Variants in BARHL2 observed in about 807,000 individuals in gnomAD.
BARHL2 encodes BarH like homeobox 2.
BARHL2 carries 10 observed loss-of-function variants against 27.1 expected under a neutral mutation model. That is an observed-to-expected ratio of 0.37 (90% CI 0.23 to 0.63). The LOEUF (loss-of-function observed/expected upper bound fraction) is 0.63. BARHL2 is among the 20% of genes least tolerant of loss of function. The pLI is 0.65. For synonymous variants in BARHL2, 248 were observed against 224.7 expected, an observed-to-expected ratio of 1.10 and a Z score of -0.93; for missense variants, 483 against 533.5, an observed-to-expected ratio of 0.91 and a Z score of 0.93.
rs758318830 is a variant in BARHL2 at position 90,714,521 on chromosome 1, C to T, written c.851+10G>A. ...CAGACACCTTTGCTCCCCCAAAGTG[C>T]CTCCCTTACCTGCGGTTCTGGTACC... On this transcript the variant is annotated intron_variant, in intron 2 of 2. Coordinates refer to ENST00000370445, the MANE Select transcript of BARHL2 (RefSeq NM_020063.2). 1.2e-6 allele frequency: 2 copies of T among 1,613,570 alleles called. No individual in the cohort carries two copies. Among genetic ancestry groups the T allele is most frequent in the Non-Finnish European group, 1.7e-6 (2 of 1,179,462 alleles).
Position 90,716,568 on chromosome 1 carries a change from C to T in BARHL2, c.625+3G>A. On this transcript the variant is annotated splice_donor_region_variant and intron_variant, in intron 1 of 2. Coordinates refer to ENST00000370445, the MANE Select transcript of BARHL2 (RefSeq NM_020063.2). ...GCCGAGAGCGCCGGGTGGCGGGACT[C>T]ACCGTGGCATTTGATGTCGCTCTGG... 6.2e-7 allele frequency: 1 copy of T among 1,613,996 alleles called. No homozygotes were observed. Among genetic ancestry groups the T allele is most frequent in the South Asian group, 1.1e-5 (1 of 91,068 alleles).
intron 2 of BARHL2, 152 bp from the exon 3 acceptor site, chr1:90,712,776 A>G: frequency 2.5e-6 from 2 of 804,566 alleles, no homozygotes; most frequent in East Asian, 5.5e-5. Context: ...GCAATGCACC[A>G]CATCTCCTGC....
chr1:90,716,576 C>T lies in BARHL2; in HGVS notation c.620G>A (p.Cys207Tyr). ...KREDSQSDIKCHGTKEEGDRE... is the reference protein window; with the variant it reads ...KREDSQSDIKYHGTKEEGDRE... ...CGCCGGGTGGCGGGACTCACCGTGG[C>T]ATTTGATGTCGCTCTGGGAATCCTC... Residue 207 changes from cysteine to tyrosine, a missense_variant, in exon 1 of 3, where the codon TGC becomes TAC. Coordinates refer to ENST00000370445, the MANE Select transcript of BARHL2 (RefSeq NM_020063.2). 3 of 1,614,110 alleles carry T rather than the reference C, an allele frequency of 1.9e-6. No homozygotes were observed. The highest frequency in any genetic ancestry group is 2.5e-6 in the Non-Finnish European group (3 of 1,180,014).
intron 1 of BARHL2, among the ~76,000 whole-genome samples, chr1:90,715,657 T>C (rs762059946): frequency 9.9e-5 from 15 of 152,120 alleles, no homozygotes; most frequent in African/African-American, 3.4e-4. Context: ...TACCTTCCAG[T>C]CAGTACATTT....
In BARHL2 at chr1:90,716,893, C is replaced by A. The variant is rs1405409789; in HGVS notation, c.303G>T (p.Pro101=). ...GGGGCAAAGGCTGCAAACTTTGCGT[C>A]GGGGCCGCGGCCGGCGGCGGCGGCT... ...SQQPPPPAAA[P]TQSLQPLPQQ... The change falls in exon 1 of 3, where the codon CCG becomes CCT. Residue 101 remains proline, a synonymous_variant. Coordinates refer to ENST00000370445, the MANE Select transcript of BARHL2 (RefSeq NM_020063.2). 1.3e-6 allele frequency: 2 copies of A among 1,595,152 alleles called. No individual in the cohort carries two copies. The highest frequency in any genetic ancestry group is 2.3e-5 in the East Asian group (1 of 43,340).
chr1:90,716,491 G>A (rs1658146282), intron 1 of BARHL2, 80 bp downstream of exon 1: 5 of 1,433,406 alleles, frequency 3.5e-6, no homozygotes, highest in Non-Finnish European at 4.9e-6. Flanking sequence ...CCCCAGCAGA[G>A]ATCTGCTGAA....
Position 90,712,439 on chromosome 1 carries a change from G to A in BARHL2, c.1037C>T (p.Pro346Leu). 3 of 1,612,242 alleles carry A rather than the reference G, an allele frequency of 1.9e-6. No individual in the cohort carries two copies. Among genetic ancestry groups the A allele is most frequent in the Non-Finnish European group, 2.5e-6 (3 of 1,179,208 alleles). The change falls in exon 3 of 3, where the codon CCA becomes CTA. Residue 346 changes from proline (P) to leucine (L), a missense_variant. This residue lies in a region of BARHL2 where 130 missense variants were observed against 138.0 expected (regional missense o/e 0.94). Transcript: ENST00000370445. ...CCGCTGCAGCTGGGGATGGGGTGCTGGAGGAGTCCGGTACATGCTGCTGTA... is the reference window on the plus strand; with the variant it reads ...CCGCTGCAGCTGGGGATGGGGTGCTAGAGGAGTCCGGTACATGCTGCTGTA... ...AMYSSMYRTP[P>L]APHPQLQRPL...
chr1:90,713,380 C>T (rs532434963), intron 2 of BARHL2, among the ~76,000 whole-genome samples: 7 of 152,302 alleles, frequency 4.6e-5, no homozygotes, highest in African/African-American at 1.4e-4. Flanking sequence ...TCTCAGTCTC[C>T]TCCCTCCCCC....
intron 1 of BARHL2, 150 bp downstream of exon 1, chr1:90,716,421 T>C (rs1443354623): frequency 1.2e-6 from 1 of 801,472 alleles, no homozygotes; most frequent in African/African-American, 1.7e-5. Flanking sequence ...CGCCCAGGCC[T>C]CCCTTCAGCT....
rs1238945943 is a variant in BARHL2, at chr1:90,716,811, C to G, written c.385G>C (p.Gly129Arg). The G allele has an allele frequency of 1.3e-6, 2 of 1,552,612 alleles. No individual in the cohort carries two copies. Among genetic ancestry groups the G allele is most frequent in the African/African-American group, 1.4e-5 (1 of 73,218 alleles). Residue 129 changes from glycine to arginine, a missense_variant, in exon 1 of 3, where the codon GGC becomes CGC. Coordinates refer to ENST00000370445, the MANE Select transcript of BARHL2 (RefSeq NM_020063.2). ...GTCCTGGGGGCCGAGGCGGCCGAGC[C>G]CAGCTGCTGGGGGGGCGGCGGCGGC... is the stretch of plus-strand genomic sequence containing the variant. Reference protein sequence around the residue: ...QPPPPPPQQLGSAASAPRTST... With the variant: ...QPPPPPPQQLRSAASAPRTST...
Position 90,717,214 on chromosome 1 carries a change from C to G in BARHL2, c.-19G>C. ...TTGTCATTGCTACATGAGGTCCACGCCACTCCGCCGTTCAGCAGCCGCCCC... is the reference window on the plus strand; with the variant it reads ...TTGTCATTGCTACATGAGGTCCACGGCACTCCGCCGTTCAGCAGCCGCCCC... On this transcript the variant is annotated 5_prime_UTR_variant, in exon 1 of 3. Coordinates refer to ENST00000370445, the MANE Select transcript of BARHL2 (RefSeq NM_020063.2). 1 of 1,602,234 alleles carries G rather than the reference C, an allele frequency of 6.2e-7. No homozygotes were observed. Among genetic ancestry groups the G allele is most frequent in the Non-Finnish European group, 8.5e-7 (1 of 1,176,350 alleles).
At position 90,716,623 on chromosome 1, in the gene BARHL2, G is replaced by C. The variant is rs563226487; in HGVS notation, c.573C>G (p.Ser191Arg). Residue 191 changes from serine (S) to arginine (R), a missense_variant, in exon 1 of 3, where the codon AGC becomes AGG. Physicochemically the swap from Ser to Arg is moderately radical, Grantham distance 110. Transcript: ENST00000370445. ...SFRPKLEQED[S>R]KTKLDKREDS... ...CCTCCCGCTTGTCGAGTTTGGTCTTGCTGTCCTCCTGCTCGAGCTTTGGCC... is the reference window on the plus strand; with the variant it reads ...CCTCCCGCTTGTCGAGTTTGGTCTTCCTGTCCTCCTGCTCGAGCTTTGGCC... 2 of 1,614,216 alleles carry C rather than the reference G, an allele frequency of 1.2e-6. No individual in the cohort carries two copies. Among genetic ancestry groups the C allele is most frequent in the East Asian group, 4.5e-5 (2 of 44,870 alleles).
chr1:90,714,120 G>A (rs1055827440), intron 2 of BARHL2, among the ~76,000 whole-genome samples: 2 of 152,218 alleles, frequency 1.3e-5, no homozygotes, highest in Non-Finnish European at 2.9e-5. Flanking sequence ...GGGCCGGGCC[G>A]TGTTGTTGGC....
At chr1:90,712,755 T>C in intron 2 of BARHL2, 131 bp from the exon 3 acceptor site, 1 of 933,048 alleles carries the variant, frequency 1.1e-6, no homozygotes, top group South Asian at 1.8e-5. Context: ...CTCAGAGACC[T>C]CTTCAAACTG....
At chr1:90,715,263 T>C (rs1658122526) in intron 1 of BARHL2, among the ~76,000 whole-genome samples, 1 of 151,644 alleles carries the variant, frequency 6.6e-6, no homozygotes. Context: ...TTTTACTTTT[T>C]CAGATGCACT....
At chr1:90,715,456 G>C (rs369661443) in intron 1 of BARHL2, among the ~76,000 whole-genome samples, 1 of 151,992 alleles carries the variant, frequency 6.6e-6, no homozygotes, top group African/African-American at 2.4e-5. Flanking sequence ...CTGGGAAATC[G>C]ATATGTCAAT....
Position 90,712,527 on chromosome 1 carries a change from A to C in BARHL2, c.949T>G (p.Tyr317Asp). ...LQRMFPSPYF[Y>D]HPSLLGSMDS... ...ATGCTGCCCAGCAGGCTTGGGTGAT[A>C]GAAATAAGGCGATGGAAACATCCTC... Residue 317 changes from tyrosine (Y) to aspartate (D), a missense_variant, in exon 3 of 3, where the codon TAT (tyrosine) becomes GAT (aspartate). Transcript: ENST00000370445. The C allele has an allele frequency of 1.2e-6, 2 of 1,614,052 alleles. No homozygotes were observed. The highest frequency in any genetic ancestry group is 1.7e-6 in the Non-Finnish European group (2 of 1,179,996).
At chr1:90,713,386 C>T (rs1192211709) in intron 2 of BARHL2, among the ~76,000 whole-genome samples, 1 of 152,196 alleles carries the variant, frequency 6.6e-6, no homozygotes, top group East Asian at 1.9e-4. Flanking sequence ...TCTCCTCCCT[C>T]CCCCGCTGCA....
At position 90,714,650 on chromosome 1, in the gene BARHL2, G is replaced by A. The variant is rs200161940; in HGVS notation, c.732C>T (p.Leu244=). The A allele has an allele frequency of 4.3e-6, 7 of 1,614,218 alleles. No homozygotes were observed. The African/African-American group carries it at 6.7e-5, about 15-fold the overall frequency. Residue 244 remains leucine (L), a synonymous_variant, in exon 2 of 3, where the codon CTC becomes CTT. Transcript: ENST00000370445. The part of the protein sequence containing the change: ...KARTAFSDHQ[L]NQLERSFERQ... ...GCTCAAAGCTACGCTCCAGTTGATT[G>A]AGCTGGTGGTCGGAAAAAGCTGTCC... is the stretch of plus-strand genomic sequence containing the variant.
Sources: allele counts gnomAD v4.1 joint callset (sites outside exome capture counted in the v4.1 genomes callset), GRCh38; gene constraint gnomAD v4.1.1; regional missense constraint gnomAD v4.1.1; transcripts MANE v1.5; gene names NCBI Gene and HGNC (gene_info 2026-07-23, HGNC 2026-07-21).